The following VEGFD variants were observed in gnomAD, a reference collection of about 807,000 sequenced individuals.
The protein encoded by VEGFD is vascular endothelial growth factor D.
In VEGFD, 26 loss-of-function variants were observed where a neutral mutation model predicts 28.0. That is an observed-to-expected ratio of 0.93 (90% CI 0.68 to 1.29). The LOEUF is 1.29. Among genes scored for constraint, VEGFD ranks in the 50% most tolerant of loss-of-function variants. VEGFD has a pLI of 0.00. For synonymous variants in VEGFD, 93 were observed against 95.5 expected, an observed-to-expected ratio of 0.97 and a Z score of 0.15; for missense variants, 294 against 273.4, an observed-to-expected ratio of 1.08 and a Z score of -0.53.
intron 4 of VEGFD, among the ~76,000 whole-genome samples, chrX:15,353,578 GA>G (rs749021638): frequency 0.01 from 1,154 of 111,291 alleles, 13 homozygotes; most frequent in African/African-American, 0.035. Context: ...CATCTCTACT[GA>G]AAAATACAAA....
intron 5 of VEGFD, among the ~76,000 whole-genome samples, chrX:15,351,282 A>AT (rs748073409): frequency 7.4e-4 from 73 of 98,746 alleles, no homozygotes; most frequent in African/African-American, 1.9e-3. Flanking sequence ...CGCCCGGCTA[A>AT]TTTTTTTTTT....
intron 1 of VEGFD, among the ~76,000 whole-genome samples, chrX:15,368,063 A>AAG (rs1923211799): frequency 2.8e-5 from 3 of 106,069 alleles, no homozygotes; most frequent in Admixed American, 2.0e-4. Flanking sequence ...GAAAGAAAGG[A>AAG]AAGAAAGAAA....
chrX:15,383,892 C>A lies in VEGFD; in HGVS notation c.55G>T (p.Val19Leu), dbSNP rs778837789. The A allele has an allele frequency of 3.7e-5, 45 of 1,208,861 alleles. No individual in the cohort carries two copies. In the Admixed American group the frequency reaches 9.6e-4, roughly 26 times the overall value. The change falls in exon 1 of 7, where the codon GTG becomes TTG. Residue 19 changes from valine (V) to leucine (L), a missense_variant. By Grantham distance (32) the Val-to-Leu change is conservative. Transcript: ENST00000297904. ...NVFMMLYVQL[V>L]QGSSNEHGPV... is the part of the protein sequence containing the mutation. The stretch of plus-strand genomic sequence containing the variant: ...CCATGTTCATTACTGGAGCCCTGCA[C>A]CAGCTGGACGTACAACATCATGAAA...
intron 5 of VEGFD, among the ~76,000 whole-genome samples, 186 bp downstream of exon 5, chrX:15,352,881 GC>G (rs1233869841): frequency 8.9e-6 from 1 of 111,842 alleles, no homozygotes; most frequent in Non-Finnish European, 1.9e-5. Context: ...ATCTTGGTGT[GC>G]CCATTTTGTA....
At chrX:15,355,363 C>A in intron 3 of VEGFD, 65 bp from the exon 4 acceptor site, 1 of 971,708 alleles carries the variant, frequency 1.0e-6, no homozygotes. Flanking sequence ...TAAAGTTGTT[C>A]TAGTCTGAAT....
At chrX:15,366,776 A>G (rs967756141) in intron 1 of VEGFD, among the ~76,000 whole-genome samples, 3 of 112,127 alleles carry the variant, frequency 2.7e-5, no homozygotes, top group Admixed American at 1.9e-4. Flanking sequence ...GCACTAAAAG[A>G]GCCGATTTCC....
chrX:15,365,420 G>A (rs1412634494), intron 1 of VEGFD, among the ~76,000 whole-genome samples: 3 of 112,170 alleles, frequency 2.7e-5, no homozygotes, highest in Non-Finnish European at 3.8e-5. Context: ...GACATGAGCC[G>A]CTGCGCCTGG....
chrX:15,346,111 A>T lies in VEGFD; in HGVS notation c.*22T>A. 1 of 1,206,080 alleles carries T rather than the reference A, an allele frequency of 8.3e-7. No individual in the cohort carries two copies. Among genetic ancestry groups the T allele is most frequent in the Non-Finnish European group, 1.1e-6 (1 of 893,003 alleles). On this transcript the variant is annotated 3_prime_UTR_variant, in exon 7 of 7. Transcript: ENST00000297904. ...CAGCATGCTGTTAAAAATGACAGGG[A>T]TGGGGAACTTGGAACGCTGAATCAA...
chrX:15,377,133 T>C, intron 1 of VEGFD, among the ~76,000 whole-genome samples: 1 of 112,598 alleles, frequency 8.9e-6, no homozygotes, highest in East Asian at 2.8e-4. Context: ...CCCTGACTGT[T>C]AGTAAGACAT....
Position 15,358,214 on chromosome X carries a change from C to T in VEGFD, c.302-21G>A, listed in dbSNP as rs181416865. On this transcript the variant is annotated intron_variant, in intron 2 of 6. Coordinates refer to ENST00000297904, the MANE Select transcript of VEGFD (RefSeq NM_004469.5). ...TATAACTGCAGAGAGAAAGAAAGCT[C>T]ACTGGGGCTAGCAGGTGGAATGGTC... is the stretch of plus-strand genomic sequence containing the variant. 145 of 1,180,151 alleles carry T rather than the reference C, an allele frequency of 1.2e-4. No individual in the cohort carries two copies. In the East Asian group the frequency reaches 3.7e-3, roughly 30 times the overall value.
intron 1 of VEGFD, among the ~76,000 whole-genome samples, chrX:15,374,785 T>G (rs774816709): frequency 2.2e-4 from 24 of 107,137 alleles, no homozygotes; most frequent in African/African-American, 8.4e-4. Flanking sequence ...CTTTTTCTTT[T>G]CTTTTTTTTT....
At chrX:15,377,594 A>G (rs892423662) in intron 1 of VEGFD, among the ~76,000 whole-genome samples, 7 of 112,501 alleles carry the variant, frequency 6.2e-5, no homozygotes, top group African/African-American at 2.3e-4. Flanking sequence ...AGAACTCACC[A>G]TGTGTCACAG....
intron 1 of VEGFD, among the ~76,000 whole-genome samples, chrX:15,364,553 G>A (rs1380291878): frequency 8.9e-6 from 1 of 112,146 alleles, no homozygotes; most frequent in Non-Finnish European, 1.9e-5. Flanking sequence ...GATCCTTCCT[G>A]GAATGTGCTG....
At chrX:15,361,559 C>T (rs1321580893) in intron 2 of VEGFD, among the ~76,000 whole-genome samples, 1 of 112,131 alleles carries the variant, frequency 8.9e-6, no homozygotes, top group African/African-American at 3.2e-5. Context: ...GCAACCCCAA[C>T]ATCTTTTTAC....
Position 15,355,136 on chromosome X carries a change from AC to A in VEGFD, c.641+13del, listed in dbSNP as rs781187442. On this transcript the variant is annotated intron_variant, in intron 4 of 6. Coordinates refer to ENST00000297904, the MANE Select transcript of VEGFD (RefSeq NM_004469.5). ...AGCATAATCCAGTATAAAAAAAAAA[AC>A]AAAAGTGCTTACCGATCTTCTTCAG... 4.3e-6 allele frequency: 5 copies of A among 1,153,756 alleles called. No homozygotes were observed. The highest frequency in any genetic ancestry group is 3.1e-5 in the East Asian group (1 of 31,978).
In VEGFD at chrX:15,383,987, A is replaced by G. The variant is rs1363355037; in HGVS notation, c.-41T>C. 5.0e-6 allele frequency: 5 copies of G among 1,006,325 alleles called. No homozygotes were observed. The highest frequency in any genetic ancestry group is 7.0e-6 in the Non-Finnish European group (5 of 710,957). The allele number at this position is 1,006,325 out of a possible 1,213,427, so 82.9% of individuals were successfully genotyped here. On this transcript the variant is annotated 5_prime_UTR_variant, in exon 1 of 7. It removes an upstream start codon present in the reference 5' UTR. Coordinates refer to ENST00000297904, the MANE Select transcript of VEGFD (RefSeq NM_004469.5). ...ATCCACTGATTACTAAGCAGTTGAC[A>G]TCAGGCAGCTAGAGAAAATTGTTTC...
chrX:15,382,058 C>T (rs922367114), intron 1 of VEGFD, among the ~76,000 whole-genome samples: 12 of 111,770 alleles, frequency 1.1e-4, no homozygotes, highest in Middle Eastern at 4.6e-3. Context: ...CGGTGGCTCA[C>T]GCCTGTAATC....
At position 15,346,227 on chromosome X, in the gene VEGFD, G is replaced by T; in HGVS notation, c.971C>A (p.Pro324Gln). The change falls in exon 7 of 7, where the codon CCA becomes CAA. Residue 324 changes from proline to glutamine, a missense_variant. Transcript: ENST00000297904. ...CEDRCPFHTR[P>Q]CASGKTACAK... ...ACATGCTGTTTTGCCACTTGCACAT[G>T]GTCTGGTATGAAAGGGGCATCTGTC... 8.3e-7 allele frequency: 1 copy of T among 1,210,227 alleles called. No homozygotes were observed.
chrX:15,350,853 C>CTCTTTCTT (rs1255667249), intron 5 of VEGFD, among the ~76,000 whole-genome samples: 1 of 81,644 alleles, frequency 1.2e-5, no homozygotes, highest in Non-Finnish European at 2.4e-5. Context: ...TTCTCTTTCT[C>CTCTTTCTT]TCTTTCTTTC....
Sources: gnomAD v4.1 joint callset for allele counts (sites outside exome capture counted in the v4.1 genomes callset) on GRCh38, gnomAD v4.1.1 for gene constraint, MANE v1.5 for transcripts, NCBI Gene and HGNC (gene_info 2026-07-23, HGNC 2026-07-21) for gene names.